Variants in ATP10A observed in about 807,000 individuals in gnomAD.
The protein encoded by ATP10A is ATPase phospholipid transporting 10A (putative), also known as phospholipid-transporting ATPase VA.
In ATP10A, 111 loss-of-function variants were observed where a neutral mutation model predicts 147.8. That is an observed-to-expected ratio of 0.75 (90% CI 0.64 to 0.88). The LOEUF (loss-of-function observed/expected upper bound fraction) is 0.88, where lower values mean the gene tolerates loss of function less well. Among genes scored for constraint, ATP10A ranks in the 40% least tolerant of loss-of-function variants. The pLI, the probability that ATP10A is intolerant of heterozygous loss-of-function variation, is 0.00. For missense variants in ATP10A, 1,927 were observed against 1,959.0 expected (o/e 0.98, Z 0.31); for synonymous variants, 875 against 841.6 (o/e 1.04, Z -0.69).
At chr15:25,756,227 T>A (rs146757944) in intron 2 of ATP10A, among the ~76,000 whole-genome samples, 32 of 152,312 alleles carry the variant, frequency 2.1e-4, no homozygotes, top group Middle Eastern at 3.4e-3. Context: ...CACTGGCAAA[T>A]GAAGAATCTT....
rs547882874 is a variant in ATP10A at position 25,726,789 on chromosome 15, T to C, written c.847+371A>G. Among the ~76,000 whole-genome samples, 225 of 147,652 alleles carry C rather than the reference T, an allele frequency of 1.5e-3. 1 individual carries two copies. Among genetic ancestry groups the C allele is most frequent in the South Asian group, 2.9e-3 (12 of 4,134 alleles). On this transcript the variant is annotated intron_variant, in intron 4 of 20. Coordinates refer to ENST00000555815, the MANE Select transcript of ATP10A (RefSeq NM_024490.4). ...GAGGGAGGCCGGGCACGGTGACTCA[T>C]GCCTGTAATCCCAGCACTTTGGGAG... is the stretch of plus-strand genomic sequence containing the variant.
At chr15:25,835,198 G>A (rs28556589) in intron 1 of ATP10A, among the ~76,000 whole-genome samples, 31,651 of 152,004 alleles carry the variant, frequency 0.21, 3,370 homozygotes, top group South Asian at 0.24. Context: ...TTGAACCCAG[G>A]GGTTCCAGGT....
At chr15:25,756,789 G>T (rs1178624766) in intron 2 of ATP10A, among the ~76,000 whole-genome samples, 1 of 152,214 alleles carries the variant, frequency 6.6e-6, no homozygotes, top group Non-Finnish European at 1.5e-5. Context: ...AATGTTGCTG[G>T]TTTAATGAAA....
intron 3 of ATP10A, among the ~76,000 whole-genome samples, 168 bp from the exon 4 acceptor site, chr15:25,727,434 T>C (rs977485988): frequency 6.6e-6 from 1 of 152,020 alleles, no homozygotes; most frequent in African/African-American, 2.4e-5. Context: ...GCTCGCCCTG[T>C]GGGTCTCTGC....
chr15:25,828,495 A>G (rs993867666), intron 1 of ATP10A, among the ~76,000 whole-genome samples: 22 of 152,210 alleles, frequency 1.4e-4, no homozygotes, highest in Non-Finnish European at 3.1e-4. Context: ...CAAATTTGAG[A>G]AAGACATACA....
At chr15:25,860,933 A>G (rs576642366) in intron 1 of ATP10A, among the ~76,000 whole-genome samples, 1 of 152,346 alleles carries the variant, frequency 6.6e-6, no homozygotes, top group South Asian at 2.1e-4. Flanking sequence ...CAGTAATAAC[A>G]GGAAGTGGTA....
At chr15:25,723,461 G>C (rs1000794376) in intron 6 of ATP10A, among the ~76,000 whole-genome samples, 2 of 152,000 alleles carry the variant, frequency 1.3e-5, no homozygotes, top group African/African-American at 2.4e-5. Flanking sequence ...AAGTGGGTGA[G>C]GGATGCATGG....
intron 3 of ATP10A, among the ~76,000 whole-genome samples, chr15:25,730,019 G>A (rs568261646): frequency 2.1e-4 from 32 of 151,910 alleles, no homozygotes; most frequent in Non-Finnish European, 4.3e-4. Context: ...GGCTGGGCGC[G>A]GTGGCTCACA....
intron 2 of ATP10A, among the ~76,000 whole-genome samples, chr15:25,740,319 C>T (rs1887518733): frequency 1.3e-5 from 2 of 152,228 alleles, no homozygotes; most frequent in Admixed American, 6.5e-5. Context: ...GAGCACACAG[C>T]ACAGGTGCAC....
chr15:25,743,809 A>G (rs12324063), intron 2 of ATP10A, among the ~76,000 whole-genome samples: 68,040 of 152,056 alleles, frequency 0.45, 15,503 homozygotes, highest in East Asian at 0.61. Flanking sequence ...CCAGCTTCTT[A>G]AGTCACATTC....
chr15:25,834,213 A>C (rs116085578), intron 1 of ATP10A, among the ~76,000 whole-genome samples: 237 of 152,354 alleles, frequency 1.6e-3, no homozygotes, highest in African/African-American at 5.2e-3. Context: ...GGGCATAATC[A>C]AGGAAGCAAA....
At chr15:25,735,294 G>A (rs1026681607) in intron 3 of ATP10A, among the ~76,000 whole-genome samples, 10 of 152,102 alleles carry the variant, frequency 6.6e-5, no homozygotes, top group Non-Finnish European at 1.2e-4. Flanking sequence ...CAGCAACTCC[G>A]TTCTGACACT....
chr15:25,720,728 C>T (rs1483381044), intron 7 of ATP10A, among the ~76,000 whole-genome samples: 6 of 152,168 alleles, frequency 3.9e-5, no homozygotes, highest in Non-Finnish European at 8.8e-5. Flanking sequence ...TGGGTAATTT[C>T]CTCTGCCTTC....
intron 5 of ATP10A, among the ~76,000 whole-genome samples, 171 bp downstream of exon 5, chr15:25,725,780 A>G (rs537247750): frequency 1.8e-4 from 27 of 151,336 alleles, no homozygotes; most frequent in African/African-American, 6.6e-4. Context: ...GACTACAGGC[A>G]CATTTTTTTT....
chr15:25,839,066 C>T (rs1365061331), intron 1 of ATP10A, among the ~76,000 whole-genome samples: 1 of 152,114 alleles, frequency 6.6e-6, no homozygotes, highest in African/African-American at 2.4e-5. Context: ...ACCTAGGTGA[C>T]AGCAATGACT....
rs75541743 is a variant in ATP10A at position 25,736,076 on chromosome 15, C to A, written c.720G>T (p.Leu240=). ...CTCACATGCAGCCGCGAAACCTACT[C>A]AGGTCGTTGTTTGGCTTCTCGCATT... ...VIECEKPNND[L]SRFRGCIIHD... is the part of the protein sequence containing the mutation. Residue 240 remains leucine (L), a synonymous_variant, in exon 3 of 21, where the codon CTG becomes CTT. Coordinates refer to ENST00000555815, the MANE Select transcript of ATP10A (RefSeq NM_024490.4). 4 of 1,613,792 alleles carry A rather than the reference C, an allele frequency of 2.5e-6. No individual in the cohort carries two copies. The highest frequency in any genetic ancestry group is 1.7e-6 in the Non-Finnish European group (2 of 1,179,976).
intron 3 of ATP10A, among the ~76,000 whole-genome samples, chr15:25,732,549 C>T (rs550992199): frequency 4.2e-5 from 5 of 119,376 alleles, no homozygotes; most frequent in South Asian, 3.0e-4. Context: ...ATTTCACATG[C>T]GACACCTTCT....
chr15:25,856,483 T>C (rs58500371), intron 1 of ATP10A, among the ~76,000 whole-genome samples: 4,557 of 152,278 alleles, frequency 0.03, 119 homozygotes, highest in South Asian at 0.099. Context: ...ACTAATAGAG[T>C]TAGCGTTAGA....
Position 25,716,760 on chromosome 15 carries a change from G to T in ATP10A, c.1746C>A (p.Val582=). The change falls in exon 9 of 21, where the codon GTC becomes GTA. Residue 582 remains valine (V), a synonymous_variant. Coordinates refer to ENST00000555815, the MANE Select transcript of ATP10A (RefSeq NM_024490.4). The stretch of plus-strand genomic sequence containing the variant: ...TTCGTGGCTGATCCGGGGACGTGAC[G>T]ACGACTGTGTTGCAGATGGTGAGTG... ...FIALTICNTV[V]VTSPDQPRTK... 2 of 1,599,402 alleles carry T rather than the reference G, an allele frequency of 1.3e-6. No individual in the cohort carries two copies. The highest frequency in any genetic ancestry group is 1.7e-6 in the Non-Finnish European group (2 of 1,172,914).
Sources: gnomAD v4.1 joint callset for allele counts (sites outside exome capture counted in the v4.1 genomes callset) on GRCh38, gnomAD v4.1.1 for gene constraint, MANE v1.5 for transcripts, NCBI Gene and HGNC (gene_info 2026-07-23, HGNC 2026-07-21) for gene names.